Variants in OR10G4 observed in about 807,000 individuals in gnomAD.
OR10G4 encodes the protein olfactory receptor 10G4.
For missense variants in OR10G4, 318 were observed against 388.8 expected (o/e 0.82, Z 1.53); for synonymous variants, 130 against 159.3 (o/e 0.82, Z 1.39).
In OR10G4 at chr11:124,018,131, T is replaced by G. The variant is rs1383808330; in HGVS notation, c.*1621T>G. Reference sequence around the variant, plus strand: ...TAAATGTGGTGGACTGTATGACACTTCTTTAGGTAAGACACTTTTTAGTGA... The same window carrying G: ...TAAATGTGGTGGACTGTATGACACTGCTTTAGGTAAGACACTTTTTAGTGA... On this transcript the variant is annotated 3_prime_UTR_variant, in exon 2 of 2. Transcript: ENST00000641722. 2 of 152,216 alleles carry G rather than the reference T, an allele frequency of 1.3e-5. No homozygotes were observed. Among genetic ancestry groups the G allele is most frequent in the African/African-American group, 4.8e-5 (2 of 41,460 alleles). The allele number at this position is 152,216 out of a possible 1,614,324, so 9.4% of individuals were successfully genotyped here.
intron 1 of OR10G4, 120 bp from the exon 2 acceptor site, chr11:124,015,428 A>C: frequency 2.1e-6 from 2 of 965,640 alleles, no homozygotes; most frequent in Non-Finnish European, 3.1e-6. Flanking sequence ...GAAGCTTTGT[A>C]ACAAGCGAAG....
chr11:124,016,377 A>G lies in OR10G4; in HGVS notation c.803A>G (p.Asp268Gly). 1.9e-6 allele frequency: 3 copies of G among 1,614,162 alleles called. No homozygotes were observed. The highest frequency in any genetic ancestry group is 2.5e-6 in the Non-Finnish European group (3 of 1,180,016). ...YLRPGSMDAM[D>G]GVVAIFYTVL... ...AGGCCAGGCTCCATGGATGCCATGG[A>G]TGGAGTTGTGGCCATTTTCTACACT... Residue 268 changes from aspartate to glycine, a missense_variant, in exon 2 of 2, where the codon GAT becomes GGT. Asp to Gly is a moderately conservative substitution (Grantham distance 94). Transcript: ENST00000641722.
intron 1 of OR10G4, among the ~76,000 whole-genome samples, chr11:124,013,928 G>A (rs1007565776): frequency 5.3e-5 from 8 of 152,052 alleles, no homozygotes; most frequent in Non-Finnish European, 1.2e-4. Flanking sequence ...AGATCATGGG[G>A]GGCAAAATGT....
rs1864011077 is a variant in OR10G4 at position 124,015,764 on chromosome 11, C to G, written c.190C>G (p.Leu64Val). The stretch of plus-strand genomic sequence containing the variant: ...CCCCATGTACTACTTCCTCACCAAC[C>G]TGTCCTTCATTGACATGTGGTTCTC... ...HTPMYYFLTN[L>V]SFIDMWFSTV... Residue 64 changes from leucine to valine, a missense_variant, in exon 2 of 2, where the codon CTG (leucine) becomes GTG (valine). By Grantham distance (32) the Leu-to-Val change is conservative (BLOSUM62 1). Coordinates refer to ENST00000641722, the MANE Select transcript of OR10G4 (RefSeq NM_001004462.2). 6.2e-7 allele frequency: 1 copy of G among 1,604,462 alleles called. No homozygotes were observed.
rs2137554573 is a variant in OR10G4, at chr11:124,016,864, A to T, written c.*354A>T. The T allele has an allele frequency of 6.1e-6, 1 of 165,082 alleles. No individual in the cohort carries two copies. Among genetic ancestry groups the T allele is most frequent in the South Asian group, 1.9e-4 (1 of 5,382 alleles). The allele number at this position is 165,082 out of a possible 1,614,324, so 10.2% of individuals were successfully genotyped here. ...CATATACACATAAACTTAAGAATTT[A>T]CCATCATGGAGACATAGTTCAAAAC... On this transcript the variant is annotated 3_prime_UTR_variant, in exon 2 of 2. Coordinates refer to ENST00000641722, the MANE Select transcript of OR10G4 (RefSeq NM_001004462.2).
intron 1 of OR10G4, among the ~76,000 whole-genome samples, chr11:124,013,425 T>C (rs1487642003): frequency 6.6e-6 from 1 of 152,214 alleles, no homozygotes; most frequent in African/African-American, 2.4e-5. Context: ...TTCCTGAGGA[T>C]TGGGTCCTGC....
chr11:124,013,318 T>C (rs1863986886), intron 1 of OR10G4, among the ~76,000 whole-genome samples: 1 of 152,146 alleles, frequency 6.6e-6, no homozygotes, highest in Non-Finnish European at 1.5e-5. Context: ...AAGGCAAACA[T>C]TGTCTTTACT....
At position 124,016,380 on chromosome 11, in the gene OR10G4, G is replaced by A. The variant is rs1864020730; in HGVS notation, c.806G>A (p.Gly269Glu). 1 of 1,614,196 alleles carries A rather than the reference G, an allele frequency of 6.2e-7. No individual in the cohort carries two copies. The highest frequency in any genetic ancestry group is 8.5e-7 in the Non-Finnish European group (1 of 1,180,022). ...CCAGGCTCCATGGATGCCATGGATG[G>A]AGTTGTGGCCATTTTCTACACTGTG... Reference protein sequence around the residue: ...LRPGSMDAMDGVVAIFYTVLT... With the variant: ...LRPGSMDAMDEVVAIFYTVLT... Residue 269 changes from glycine to glutamate, a missense_variant, in exon 2 of 2, where the codon GGA (glycine) becomes GAA (glutamate). Transcript: ENST00000641722.
intron 1 of OR10G4, among the ~76,000 whole-genome samples, chr11:124,013,599 T>C (rs888692678): frequency 6.6e-6 from 1 of 152,240 alleles, no homozygotes; most frequent in Non-Finnish European, 1.5e-5. Flanking sequence ...AGGATACATT[T>C]TACCTGGGTT....
Position 124,016,140 on chromosome 11 carries a change from C to G in OR10G4, c.566C>G (p.Ala189Gly), listed in dbSNP as rs764387856. ...CCGCCCATCCTGAAACTGGCCTGTGCAGACACCTCAGCCAACGTGATGGTC... is the reference window on the plus strand; with the variant it reads ...CCGCCCATCCTGAAACTGGCCTGTGGAGACACCTCAGCCAACGTGATGGTC... ...DAPPILKLAC[A>G]DTSANVMVIF... Residue 189 changes from alanine (A) to glycine (G), a missense_variant, in exon 2 of 2, where the codon GCA (alanine) becomes GGA (glycine). By Grantham distance (60) the Ala-to-Gly change is moderately conservative. Transcript: ENST00000641722. 5 of 1,614,058 alleles carry G rather than the reference C, an allele frequency of 3.1e-6. No homozygotes were observed. The highest frequency in any genetic ancestry group is 4.2e-6 in the Non-Finnish European group (5 of 1,179,944).
At chr11:124,015,387 C>T in intron 1 of OR10G4, 161 bp from the exon 2 acceptor site, 1 of 706,936 alleles carries the variant, frequency 1.4e-6, no homozygotes, top group South Asian at 1.9e-5. Flanking sequence ...GTGAGAGAGG[C>T]TGAAATAATT....
chr11:124,015,486 T>A (rs1311571017), intron 1 of OR10G4, 62 bp from the exon 2 acceptor site: 1 of 1,457,674 alleles, frequency 6.9e-7, no homozygotes, highest in Admixed American at 2.0e-5. Context: ...AGTTTCCACA[T>A]AGAGAATGGA....
rs202048997 is a variant in OR10G4 at position 124,016,487 on chromosome 11, G to C, written c.913G>C (p.Val305Leu). 18 of 1,598,392 alleles carry C rather than the reference G, an allele frequency of 1.1e-5. No homozygotes were observed. In the Admixed American group the frequency reaches 3.0e-4, roughly 26 times the overall value. Residue 305 changes from valine (V) to leucine (L), a missense_variant, in exon 2 of 2, where the codon GTA becomes CTA. Transcript: ENST00000641722. Reference sequence around the variant, plus strand: ...AGCTGTGTTGAAACTTAGAGACAAAGTAGCACATCCTCAGAGGAAATAAAT... The same window carrying C: ...AGCTGTGTTGAAACTTAGAGACAAACTAGCACATCCTCAGAGGAAATAAAT... ...KKAVLKLRDK[V>L]AHPQRK
At chr11:124,015,421 G>T in intron 1 of OR10G4, 127 bp from the exon 2 acceptor site, 1 of 897,070 alleles carries the variant, frequency 1.1e-6, no homozygotes, top group Non-Finnish European at 1.7e-6. Flanking sequence ...TGTGAGGGAA[G>T]CTTTGTAACA....
Position 124,015,941 on chromosome 11 carries a change from T to G in OR10G4, c.367T>G (p.Leu123Val). Residue 123 changes from leucine (L) to valine (V), a missense_variant, in exon 2 of 2, where the codon TTG becomes GTG. Leu to Val is a conservative substitution (Grantham distance 32, BLOSUM62 1). Coordinates refer to ENST00000641722, the MANE Select transcript of OR10G4 (RefSeq NM_001004462.2). The stretch of plus-strand genomic sequence containing the variant: ...CACAGTCATGTCCTATGATCGCTAC[T>G]TGGCCATCAGTTACCCGCTCAGGTA... ...LYTVMSYDRY[L>V]AISYPLRYTS... 6.2e-7 allele frequency: 1 copy of G among 1,613,924 alleles called. No individual in the cohort carries two copies.
chr11:124,016,242 C>T lies in OR10G4; in HGVS notation c.668C>T (p.Ser223Phe). Residue 223 changes from serine (S) to phenylalanine (F), a missense_variant, in exon 2 of 2, where the codon TCC becomes TTC. Transcript: ENST00000641722. ...CTGTCCTATGTGTCCATCGTCTGTTCCATCCTGCGGATCCGCACCTCAGAT... is the reference window on the plus strand; with the variant it reads ...CTGTCCTATGTGTCCATCGTCTGTTTCATCCTGCGGATCCGCACCTCAGAT... ...IVLSYVSIVC[S>F]ILRIRTSDGR... The T allele has an allele frequency of 2.5e-6, 4 of 1,614,214 alleles. No individual in the cohort carries two copies. In the South Asian group the frequency reaches 4.4e-5, roughly 18 times the overall value.
chr11:124,013,919 G>C (rs1863993822), intron 1 of OR10G4, among the ~76,000 whole-genome samples: 1 of 152,112 alleles, frequency 6.6e-6, no homozygotes, highest in African/African-American at 2.4e-5. Context: ...AGGAGGGGAA[G>C]ATCATGGGGG....
At position 124,014,546 on chromosome 11, in the gene OR10G4, C is replaced by T. The variant is rs764016877; in HGVS notation, c.-27-1002C>T. Among the ~76,000 whole-genome samples the T allele has an allele frequency of 1.2e-4, 18 of 152,178 alleles. No homozygotes were observed. The East Asian group carries it at 2.7e-3, about 23-fold the overall frequency. ...CACCCACTGTCCTGCACCCACTTTC[C>T]GGCACTCCCCAGTGAGGTGAACCTG... On this transcript the variant is annotated intron_variant, in intron 1 of 1. Coordinates refer to ENST00000641722, the MANE Select transcript of OR10G4 (RefSeq NM_001004462.2).
rs141011157 is a variant in OR10G4, at chr11:124,016,157, G to A, written c.583G>A (p.Val195Met). ...KLACADTSAN[V>M]MVIFVDIGIV... Reference sequence around the variant, plus strand: ...GGCCTGTGCAGACACCTCAGCCAACGTGATGGTCATCTTTGTGGACATTGG... The same window carrying A: ...GGCCTGTGCAGACACCTCAGCCAACATGATGGTCATCTTTGTGGACATTGG... The change falls in exon 2 of 2, where the codon GTG becomes ATG. Residue 195 changes from valine (V) to methionine (M), a missense_variant. Transcript: ENST00000641722. 28 of 1,614,004 alleles carry A rather than the reference G, an allele frequency of 1.7e-5. 1 individual carries two copies. In the Middle Eastern group the frequency reaches 1.3e-3, roughly 76 times the overall value.
Sources: gnomAD v4.1 joint callset for allele counts (sites outside exome capture counted in the v4.1 genomes callset) on GRCh38, gnomAD v4.1.1 for gene constraint, MANE v1.5 for transcripts, NCBI Gene and HGNC (gene_info 2026-07-23, HGNC 2026-07-21) for gene names.